NPC1L1: variants seen among roughly 807,000 people sequenced by gnomAD.
The protein encoded by NPC1L1 is NPC1 like intracellular cholesterol transporter 1, also known as NPC1-like intracellular cholesterol transporter 1.
Under a neutral mutation model 117.0 loss-of-function variants are expected in NPC1L1, and 98 were observed. The ratio of observed to expected loss-of-function variants is 0.84; its 90% CI spans 0.71 to 0.99. The LOEUF is 0.99. NPC1L1 is among the 50% of genes least tolerant of loss of function. The pLI is 0.00. For missense variants in NPC1L1, 1,540 were observed against 1,710.0 expected (o/e 0.90, Z 1.75); for synonymous variants, 729 against 727.6 (o/e 1.00, Z -0.03).
chr7:44,532,182 G>C lies in NPC1L1; in HGVS notation c.2445C>G (p.Pro815=), dbSNP rs1410497956. Residue 815 remains proline (P), a synonymous_variant, in exon 9 of 19, where the codon CCC becomes CCG. Transcript: ENST00000381160. Reference sequence around the variant, plus strand: ...CCTGGCCAGGCGGGGGCAGCTCCTGGGGCTTGACACAGCAGCAGACGTCCA... The same window carrying C: ...CCTGGCCAGGCGGGGGCAGCTCCTGCGGCTTGACACAGCAGCAGACGTCCA... ...SRLDVCCCVK[P]QELPPPGQGE... 1.2e-6 allele frequency: 2 copies of C among 1,613,888 alleles called. No homozygotes were observed. Among genetic ancestry groups the C allele is most frequent in the Non-Finnish European group, 1.7e-6 (2 of 1,179,998 alleles).
intron 14 of NPC1L1, chr7:44,518,669 CAAAAA>C: frequency 1.1e-5 from 10 of 944,666 alleles, no homozygotes; most frequent in Admixed American, 3.6e-5. Context: ...AACTGTGTCT[CAAAAA>C]AAAAAAAAAA....
At position 44,512,788 on chromosome 7, in the gene NPC1L1, C is replaced by A. The variant is rs1801076494; in HGVS notation, c.*659G>T. Reference sequence around the variant, plus strand: ...TATTGGAGCTGGAGACCAAACCCAACACCATTTTCCAGGAGGGGCTAATCC... The same window carrying A: ...TATTGGAGCTGGAGACCAAACCCAAAACCATTTTCCAGGAGGGGCTAATCC... On this transcript the variant is annotated 3_prime_UTR_variant, in exon 19 of 19. Transcript: ENST00000381160. The A allele has an allele frequency of 1.3e-5, 2 of 156,448 alleles. No individual in the cohort carries two copies. Among genetic ancestry groups the A allele is most frequent in the African/African-American group, 2.4e-5 (1 of 41,482 alleles). The allele number at this position is 156,448 out of a possible 1,614,324, so 9.7% of individuals were successfully genotyped here.
chr7:44,540,823 G>C (rs1001370036), intron 1 of NPC1L1, among the ~76,000 whole-genome samples: 2 of 151,988 alleles, frequency 1.3e-5, no homozygotes, highest in Admixed American at 1.3e-4. Context: ...GCCAGCGCTG[G>C]ATCTTCTCCC....
intron 11 of NPC1L1, 95 bp from the exon 12 acceptor site, chr7:44,521,931 T>C (rs1183761985): frequency 6.2e-7 from 1 of 1,602,838 alleles, no homozygotes; most frequent in Non-Finnish European, 8.5e-7. Context: ...TCCCCAGGCA[T>C]ACGGCAGCAA....
At position 44,515,923 on chromosome 7, in the gene NPC1L1, C is replaced by T. The variant is rs1193417024; in HGVS notation, c.3676G>A (p.Val1226Ile). The T allele has an allele frequency of 6.2e-7, 1 of 1,614,104 alleles. No individual in the cohort carries two copies. The highest frequency in any genetic ancestry group is 8.5e-7 in the Non-Finnish European group (1 of 1,180,010). Residue 1226 changes from valine (V) to isoleucine (I), a missense_variant, in exon 18 of 19, where the codon GTC (valine) becomes ATC (isoleucine). By Grantham distance (29) the Val-to-Ile change is conservative (BLOSUM62 3). Around this residue, in one of 3 missense-constraint regions of NPC1L1, gnomAD observed 742 missense variants for 873.6 expected, o/e 0.85. Transcript: ENST00000381160. ...AGCTGGGCCTTGGCGAGGCCCAGGA[C>T]AAGGATGCCAGGCAGGTTGGTCATG... ...VAMTNLPGIL[V>I]LGLAKAQLIQ...
chr7:44,520,146 G>C lies in NPC1L1; in HGVS notation c.3136+619C>G, dbSNP rs217423. On this transcript the variant is annotated intron_variant, in intron 14 of 18. Transcript: ENST00000381160. ...AATACAAAAATTACCCAGACATGAT[G>C]GTATGCTCCTATAGTCCCAGCTACT... is the stretch of plus-strand genomic sequence containing the variant. 3.2e-3 allele frequency among the ~76,000 whole-genome samples: 484 copies of C among 152,164 alleles called. 6 individuals carry two copies. The highest frequency in any genetic ancestry group is 0.011 in the African/African-American group (449 of 41,516).
In NPC1L1 at chr7:44,540,142, G is replaced by C; in HGVS notation, c.255C>G (p.Pro85=). The stretch of plus-strand genomic sequence containing the variant: ...TGGCGGAGCAGCAGGCTTGGGTGTT[G>C]GGGCCGGTGTAGAGGCGGGGGCAGA... ...QKICPRLYTG[P]NTQACCSAKQ... is the part of the protein sequence containing the mutation. The change falls in exon 2 of 19, where the codon CCC becomes CCG. Residue 85 remains proline, a synonymous_variant. Coordinates refer to ENST00000381160, the MANE Select transcript of NPC1L1 (RefSeq NM_001101648.2). The C allele has an allele frequency of 1.2e-6, 2 of 1,614,180 alleles. No homozygotes were observed. Among genetic ancestry groups the C allele is most frequent in the South Asian group, 2.2e-5 (2 of 91,088 alleles).
At chr7:44,521,504 T>C (rs891213223) in intron 12 of NPC1L1, among the ~76,000 whole-genome samples, 2 of 152,168 alleles carry the variant, frequency 1.3e-5, no homozygotes, top group Non-Finnish European at 2.9e-5. Context: ...GCAGTATACA[T>C]GTGTGATGCC....
chr7:44,523,336 A>T (rs1340409236), intron 10 of NPC1L1, among the ~76,000 whole-genome samples: 1 of 152,184 alleles, frequency 6.6e-6, no homozygotes, highest in Non-Finnish European at 1.5e-5. Flanking sequence ...GATTACAGGC[A>T]TGAGCCACCA....
At chr7:44,524,503 C>T (rs1416308015) in intron 10 of NPC1L1, among the ~76,000 whole-genome samples, 1 of 152,088 alleles carries the variant, frequency 6.6e-6, no homozygotes, top group Non-Finnish European at 1.5e-5. Flanking sequence ...GCCTGTAATC[C>T]CACAACATCA....
At position 44,520,928 on chromosome 7, in the gene NPC1L1, T is replaced by C. The variant is rs940335375; in HGVS notation, c.3080+64A>G. On this transcript the variant is annotated intron_variant, in intron 13 of 18. Transcript: ENST00000381160. ...CTGATAGCCTCCTCCTGCCTCTCTA[T>C]ATTCAACCCCATCCTGTGTCCCACA... The C allele has an allele frequency of 3.0e-5, 48 of 1,613,700 alleles. No individual in the cohort carries two copies. In the African/African-American group the frequency reaches 5.3e-4, roughly 18 times the overall value.
rs375142296 is a variant in NPC1L1, at chr7:44,533,518, C to T, written c.2322G>A (p.Leu774=). 23 of 1,614,074 alleles carry T rather than the reference C, an allele frequency of 1.4e-5. No homozygotes were observed. In the African/African-American group the frequency reaches 2.9e-4, roughly 21 times the overall value. Reference sequence around the variant, plus strand: ...CAAGGATCACTGCAAGGCCAGAGGTCAGGGCAAAGGTCCGCACAGCTGGCA... The same window carrying T: ...CAAGGATCACTGCAAGGCCAGAGGTTAGGGCAAAGGTCCGCACAGCTGGCA... ...TPMPAVRTFA[L]TSGLAVILDF... The change falls in exon 8 of 19, where the codon CTG becomes CTA. Residue 774 remains leucine (L), a synonymous_variant. Transcript: ENST00000381160.
intron 1 of NPC1L1, 81 bp downstream of exon 1, chr7:44,541,125 A>G: frequency 1.4e-6 from 2 of 1,456,980 alleles, no homozygotes. Context: ...GTCACCCAGT[A>G]ACGCTCGCCT....
intron 5 of NPC1L1, 75 bp downstream of exon 5, chr7:44,535,765 A>C (rs1345595007): frequency 2.5e-6 from 4 of 1,604,720 alleles, no homozygotes; most frequent in Non-Finnish European, 3.4e-6. Flanking sequence ...GTGGTTAGGA[A>C]AGTTGTAGAA....
chr7:44,521,166 C>T, intron 12 of NPC1L1, 48 bp from the exon 13 acceptor site: 1 of 1,612,822 alleles, frequency 6.2e-7, no homozygotes. Context: ...GGGCCAGCAG[C>T]TCCTGCTTTG....
chr7:44,540,342 C>T lies in NPC1L1; in HGVS notation c.55G>A (p.Ala19Thr). 1.2e-6 allele frequency: 2 copies of T among 1,611,658 alleles called. No homozygotes were observed. The highest frequency in any genetic ancestry group is 1.7e-6 in the Non-Finnish European group (2 of 1,179,976). ...WLLWALLLRLAQSEPYTTIHQ... is the reference protein window; with the variant it reads ...WLLWALLLRLTQSEPYTTIHQ... Reference sequence around the variant, plus strand: ...ATGGTTGTGTAAGGCTCACTCTGGGCCTGCAGAGCACAGCAACATCACGCG... The same window carrying T: ...ATGGTTGTGTAAGGCTCACTCTGGGTCTGCAGAGCACAGCAACATCACGCG... Residue 19 changes from alanine (A) to threonine (T), a missense_variant and splice_region_variant, in exon 2 of 19, where the codon GCC (alanine) becomes ACC (threonine). Physicochemically the swap from Ala to Thr is moderately conservative, Grantham distance 58 (BLOSUM62 0). This residue lies in a region of NPC1L1 where 793 missense variants were observed against 820.4 expected (regional missense o/e 0.97). Transcript: ENST00000381160.
At position 44,515,840 on chromosome 7, in the gene NPC1L1, A is replaced by G. The variant is rs745609701; in HGVS notation, c.3759T>C (p.His1253=). The G allele has an allele frequency of 3.1e-6, 5 of 1,614,098 alleles. No homozygotes were observed. Among genetic ancestry groups the G allele is most frequent in the Non-Finnish European group, 3.4e-6 (4 of 1,180,034 alleles). ...NLLITLLGLL[H]GLVFLPVILS... ...GGATGACGGGCAGGAAGACCAAGCC[A>G]TGCAGCAGGCCCAGCAGAGTGATCA... The change falls in exon 18 of 19, where the codon CAT becomes CAC. Residue 1253 remains histidine, a synonymous_variant. Transcript: ENST00000381160.
chr7:44,515,859 G>C lies in NPC1L1; in HGVS notation c.3740C>G (p.Thr1247Ser), dbSNP rs775188012. 5 of 1,614,082 alleles carry C rather than the reference G, an allele frequency of 3.1e-6. No individual in the cohort carries two copies. In the East Asian group the frequency reaches 8.9e-5, roughly 29 times the overall value. Residue 1247 changes from threonine to serine, a missense_variant, in exon 18 of 19, where the codon ACT (threonine) becomes AGT (serine). Physicochemically the swap from Thr to Ser is moderately conservative, Grantham distance 58 (BLOSUM62 1). Coordinates refer to ENST00000381160, the MANE Select transcript of NPC1L1 (RefSeq NM_001101648.2). ...IFFFRLNLLI[T>S]LLGLLHGLVF... ...CAAGCCATGCAGCAGGCCCAGCAGA[G>C]TGATCAGGAGGTTGAGGCGGAAGAA...
At chr7:44,531,519 C>T (rs968768230) in intron 10 of NPC1L1, among the ~76,000 whole-genome samples, 1 of 152,218 alleles carries the variant, frequency 6.6e-6, no homozygotes, top group Admixed American at 6.5e-5. Flanking sequence ...GACAGCCCTC[C>T]GATGCCTGGG....
Sources: gnomAD v4.1 joint callset for allele counts (sites outside exome capture counted in the v4.1 genomes callset) on GRCh38, gnomAD v4.1.1 for gene constraint, gnomAD v4.1.1 regional missense constraint, MANE v1.5 for transcripts, NCBI Gene and HGNC (gene_info 2026-07-23, HGNC 2026-07-21) for gene names.